The following TAFA5 variants were observed in gnomAD, a reference collection of about 807,000 sequenced individuals.
TAFA5 encodes the protein TAFA chemokine like family member 5.
In TAFA5, 6 loss-of-function variants were observed where a neutral mutation model predicts 15.3. That is an observed-to-expected ratio of 0.39 (90% confidence interval 0.21 to 0.77). TAFA5 has a LOEUF of 0.77. Ranked by LOEUF, TAFA5 falls within the 30% of genes least tolerant of loss-of-function variation. The pLI is 0.41. For missense variants in TAFA5, 161 were observed against 193.1 expected, an observed-to-expected ratio of 0.83 and a Z score of 0.98; for synonymous variants, 103 against 80.7, an observed-to-expected ratio of 1.28 and a Z score of -1.48.
rs150066394 is a variant in TAFA5, at chr22:48,563,201, C to T, written c.112+73497C>T. Among the ~76,000 whole-genome samples the T allele has an allele frequency of 3.1e-3, 469 of 152,296 alleles. 5 individuals carry two copies. Among genetic ancestry groups the T allele is most frequent in the Non-Finnish European group, 4.9e-3 (330 of 68,018 alleles). ...TGGACAAGTGGCCCCCTCATCCCCT[C>T]CAAGAGCCCTGCAGACAAGTGGCCC... is the stretch of plus-strand genomic sequence containing the variant. On this transcript the variant is annotated intron_variant, in intron 1 of 3. Transcript: ENST00000402357.
chr22:48,559,838 C>T lies in TAFA5; in HGVS notation c.112+70134C>T, dbSNP rs111387334. Among the ~76,000 whole-genome samples, 2,479 of 152,228 alleles carry T rather than the reference C, an allele frequency of 0.016. 96 individuals are homozygous for T. The East Asian group carries it at 0.17, about 10-fold the overall frequency. On this transcript the variant is annotated intron_variant, in intron 1 of 3. Transcript: ENST00000402357. ...GATGGAGGAAGGGATGCAGGGGCAG[C>T]GCCACAGGCCCGGGTCTTCATCCTC... is the stretch of plus-strand genomic sequence containing the variant.
At chr22:48,594,103 C>T (rs545956214) in intron 1 of TAFA5, among the ~76,000 whole-genome samples, 1 of 152,230 alleles carries the variant, frequency 6.6e-6, no homozygotes, top group African/African-American at 2.4e-5. Context: ...TGGTCATGCT[C>T]CTGTGCCCAC....
chr22:48,553,912 G>A (rs1922942369), intron 1 of TAFA5, among the ~76,000 whole-genome samples: 2 of 152,200 alleles, frequency 1.3e-5, no homozygotes, highest in South Asian at 4.1e-4. Flanking sequence ...CCAGCTCTTG[G>A]CCTCCGTCCT....
At chr22:48,665,146 G>T (rs1230203225) in intron 2 of TAFA5, among the ~76,000 whole-genome samples, 1 of 152,148 alleles carries the variant, frequency 6.6e-6, no homozygotes, top group Non-Finnish European at 1.5e-5. Flanking sequence ...CGTGGACTTG[G>T]TTTTTTCTGC....
rs550850850 is a variant in TAFA5, at chr22:48,713,142, C to T, written c.390+5298C>T. ...TTGAGTACCACCTTCTAATTCTGTG[C>T]TGCATGAAATCACAGTTGTGGGGGT... On this transcript the variant is annotated intron_variant, in intron 3 of 3. Coordinates refer to ENST00000402357, the MANE Select transcript of TAFA5 (RefSeq NM_001082967.3). Among the ~76,000 whole-genome samples the T allele has an allele frequency of 3.9e-5, 6 of 152,362 alleles. No individual in the cohort carries two copies. The South Asian group carries it at 6.2e-4, about 16-fold the overall frequency.
rs139505457 is a variant in TAFA5, at chr22:48,504,999, C to T, written c.112+15295C>T. Among the ~76,000 whole-genome samples the T allele has an allele frequency of 6.5e-3, 994 of 152,318 alleles. 7 individuals carry two copies. Among genetic ancestry groups the T allele is most frequent in the African/African-American group, 0.022 (915 of 41,562 alleles). On this transcript the variant is annotated intron_variant, in intron 1 of 3. Transcript: ENST00000402357. Reference sequence around the variant, plus strand: ...TGGATGGGCACTCCTCCCTGCCTGCCAGCCACACTGGAGCCCGGGACACTG... The same window carrying T: ...TGGATGGGCACTCCTCCCTGCCTGCTAGCCACACTGGAGCCCGGGACACTG...
chr22:48,710,975 C>T (rs1190373336), intron 3 of TAFA5, among the ~76,000 whole-genome samples: 1 of 152,116 alleles, frequency 6.6e-6, no homozygotes, highest in Admixed American at 6.5e-5. Context: ...AAAGGCCAGA[C>T]CTGGCTTGGT....
chr22:48,737,542 G>A (rs964149532), intron 3 of TAFA5, among the ~76,000 whole-genome samples: 21 of 152,228 alleles, frequency 1.4e-4, no homozygotes, highest in African/African-American at 5.1e-4. Flanking sequence ...GGGGCTGGGA[G>A]AGGGCACCGC....
chr22:48,543,394 C>T (rs999563356), intron 1 of TAFA5: 2 of 152,166 alleles, frequency 1.3e-5, no homozygotes, highest in African/African-American at 4.8e-5. Flanking sequence ...CCTTTCCGGC[C>T]ACTCTCTGGA....
intron 2 of TAFA5, among the ~76,000 whole-genome samples, chr22:48,656,765 T>A (rs6587319): frequency 6.2e-4 from 11 of 17,630 alleles, no homozygotes; most frequent in South Asian, 3.4e-3. Flanking sequence ...CTTTTTTTTT[T>A]TTTTTTTTTT....
At chr22:48,559,645 AT>A (rs1366902193) in intron 1 of TAFA5, among the ~76,000 whole-genome samples, 1 of 151,790 alleles carries the variant, frequency 6.6e-6, no homozygotes, top group African/African-American at 2.4e-5. Context: ...AAGTGGGAGA[AT>A]CAGCGAGACC....
intron 1 of TAFA5, among the ~76,000 whole-genome samples, chr22:48,616,505 G>T (rs551390237): frequency 6.6e-6 from 1 of 152,280 alleles, no homozygotes; most frequent in East Asian, 1.9e-4. Context: ...CCATGCACTC[G>T]GGATGCTCCT....
intron 1 of TAFA5, among the ~76,000 whole-genome samples, chr22:48,540,525 G>A (rs1922329099): frequency 6.6e-6 from 1 of 151,282 alleles, no homozygotes; most frequent in Non-Finnish European, 1.5e-5. Flanking sequence ...GGTGTCCTCC[G>A]CCCCGGCAAA....
intron 2 of TAFA5, among the ~76,000 whole-genome samples, chr22:48,705,310 C>T (rs1296527087): frequency 6.6e-6 from 1 of 152,146 alleles, no homozygotes; most frequent in Non-Finnish European, 1.5e-5. Context: ...GGTGCTGTGG[C>T]AGGCATGACC....
At chr22:48,736,962 G>C (rs950577781) in intron 3 of TAFA5, among the ~76,000 whole-genome samples, 11 of 152,178 alleles carry the variant, frequency 7.2e-5, no homozygotes, top group African/African-American at 2.7e-4. Flanking sequence ...TATTGTATGT[G>C]AATCATATCT....
chr22:48,617,009 G>A (rs947591737), intron 1 of TAFA5, among the ~76,000 whole-genome samples: 6 of 152,222 alleles, frequency 3.9e-5, no homozygotes, highest in Admixed American at 1.3e-4. Flanking sequence ...TGGGCTGGGA[G>A]CGTGGATACC....
At chr22:48,609,588 G>A (rs923129330) in intron 1 of TAFA5, among the ~76,000 whole-genome samples, 13 of 152,172 alleles carry the variant, frequency 8.5e-5, no homozygotes, top group Non-Finnish European at 1.8e-4. Context: ...GGACGGGGCC[G>A]CCCCCGTTTC....
At chr22:48,605,333 ATGATGG>A (rs1268194949) in intron 1 of TAFA5, among the ~76,000 whole-genome samples, 1 of 1,572 alleles carries the variant, frequency 6.4e-4, no homozygotes, top group East Asian at 0.024. Context: ...GATGATGGTG[ATGATGG>A]TGATGGCGAT....
chr22:48,626,618 A>C (rs141748032), intron 1 of TAFA5, among the ~76,000 whole-genome samples: 1 of 152,206 alleles, frequency 6.6e-6, no homozygotes, highest in Non-Finnish European at 1.5e-5. Flanking sequence ...TGCAAATAAC[A>C]TCTCTCTGTC....
Sources: gnomAD v4.1 joint callset for allele counts (sites outside exome capture counted in the v4.1 genomes callset) on GRCh38, gnomAD v4.1.1 for gene constraint, MANE v1.5 for transcripts, NCBI Gene and HGNC (gene_info 2026-07-23, HGNC 2026-07-21) for gene names.